FLI1: variants seen among roughly 807,000 people sequenced by gnomAD.
FLI1 encodes Fli-1 proto-oncogene, ETS transcription factor, also known as Friend leukemia integration 1 transcription factor.
Under a neutral mutation model 53.1 loss-of-function variants are expected in FLI1, and 13 were observed. The ratio of observed to expected loss-of-function variants is 0.24; its 90% confidence interval spans 0.16 to 0.39. The LOEUF (loss-of-function observed/expected upper bound fraction) is 0.39. Among genes scored for constraint, FLI1 ranks in the 10% least tolerant of loss-of-function variants. The pLI is 1.00. For missense variants in FLI1, 424 were observed against 600.5 expected (o/e 0.71, Z 3.07); for synonymous variants, 244 against 236.7 (o/e 1.03, Z -0.28).
intron 1 of FLI1, among the ~76,000 whole-genome samples, chr11:128,747,482 C>T (rs1053265400): frequency 6.6e-6 from 1 of 152,210 alleles, no homozygotes; most frequent in African/African-American, 2.4e-5. Context: ...TATCATCCCA[C>T]CTTTGCTCCA....
At chr11:128,687,195 C>A (rs1333330773) in intron 1 of FLI1, among the ~76,000 whole-genome samples, 1 of 152,230 alleles carries the variant, frequency 6.6e-6, no homozygotes, top group African/African-American at 2.4e-5. Flanking sequence ...AGTCCTCGAG[C>A]CCACCTTCTT....
intron 5 of FLI1, among the ~76,000 whole-genome samples, chr11:128,787,985 AT>A (rs1315334627): frequency 2.0e-5 from 3 of 150,676 alleles, no homozygotes; most frequent in Admixed American, 6.6e-5. Flanking sequence ...TTTTTTTTGT[AT>A]TTTTTAGTAG....
At chr11:128,695,581 T>TA (rs1938035282) in intron 1 of FLI1, among the ~76,000 whole-genome samples, 1 of 152,180 alleles carries the variant, frequency 6.6e-6, no homozygotes, top group Admixed American at 6.5e-5. Context: ...AAGTTTTTTT[T>TA]ATGAAAGTTT....
chr11:128,804,014 CT>C (rs1942705547), intron 5 of FLI1: 1 of 152,272 alleles, frequency 6.6e-6, no homozygotes, highest in South Asian at 2.1e-4. Context: ...ATCCCCCTCA[CT>C]TTCTGTGTTG....
intron 1 of FLI1, among the ~76,000 whole-genome samples, chr11:128,718,191 A>G (rs753317640): frequency 4.6e-5 from 7 of 152,214 alleles, no homozygotes; most frequent in Non-Finnish European, 7.3e-5. Context: ...TGCAAACCCT[A>G]TCATGTCCGT....
intron 1 of FLI1, among the ~76,000 whole-genome samples, chr11:128,696,676 T>TAG (rs1481287821): frequency 6.6e-6 from 1 of 152,242 alleles, no homozygotes; most frequent in Non-Finnish European, 1.5e-5. Context: ...GACGACACTC[T>TAG]AGAGAGAATC....
chr11:128,699,391 CCTTTT>C (rs1938225560), intron 1 of FLI1, among the ~76,000 whole-genome samples: 2 of 152,240 alleles, frequency 1.3e-5, no homozygotes, highest in African/African-American at 4.8e-5. Flanking sequence ...TTAAAACATT[CCTTTT>C]AAGTCTATAT....
chr11:128,785,632 T>A (rs1942055716), intron 5 of FLI1, among the ~76,000 whole-genome samples: 1 of 152,214 alleles, frequency 6.6e-6, no homozygotes, highest in Admixed American at 6.5e-5. Flanking sequence ...CAGCTCCATC[T>A]CCATCCCTAA....
chr11:128,714,647 T>C (rs1938927004), intron 1 of FLI1, among the ~76,000 whole-genome samples: 1 of 151,676 alleles, frequency 6.6e-6, no homozygotes, highest in African/African-American at 2.4e-5. Flanking sequence ...ATAATGATGA[T>C]GATGATGATG....
chr11:128,737,669 C>T (rs1407948157), intron 1 of FLI1, among the ~76,000 whole-genome samples: 1 of 152,162 alleles, frequency 6.6e-6, no homozygotes, highest in Non-Finnish European at 1.5e-5. Flanking sequence ...CACTTCCCAT[C>T]CTAGAAATGG....
chr11:128,809,998 T>A (rs1942897319), intron 8 of FLI1, among the ~76,000 whole-genome samples: 1 of 152,146 alleles, frequency 6.6e-6, no homozygotes, highest in East Asian at 1.9e-4. Context: ...GCGCAGCTTC[T>A]CCCAATGACT....
intron 5 of FLI1, among the ~76,000 whole-genome samples, chr11:128,787,543 C>A (rs1208465009): frequency 3.9e-5 from 6 of 152,148 alleles, no homozygotes; most frequent in Non-Finnish European, 8.8e-5. Context: ...AGCATTATAG[C>A]ATACTGATTA....
At chr11:128,805,086 A>G in intron 5 of FLI1, 1 of 334,892 alleles carries the variant, frequency 3.0e-6, no homozygotes, top group Non-Finnish European at 5.4e-6. Flanking sequence ...CCCAGGTTTC[A>G]CAACAAAGAG....
At chr11:128,776,466 C>T (rs955179433) in intron 4 of FLI1, among the ~76,000 whole-genome samples, 1 of 152,204 alleles carries the variant, frequency 6.6e-6, no homozygotes, top group Middle Eastern at 3.2e-3. Flanking sequence ...GCCTGGCCAA[C>T]GTGGTGAAAC....
chr11:128,750,097 G>A (rs1940578027), intron 1 of FLI1, among the ~76,000 whole-genome samples: 1 of 152,198 alleles, frequency 6.6e-6, no homozygotes, highest in African/African-American at 2.4e-5. Flanking sequence ...GTAATAAAAA[G>A]CCAAAACTAG....
rs748604139 is a variant in FLI1, at chr11:128,694,227, A to T, written c.-32A>T. 7 of 1,510,926 alleles carry T rather than the reference A, an allele frequency of 4.6e-6. No individual in the cohort carries two copies. The Middle Eastern group carries it at 7.1e-4, about 152-fold the overall frequency. 93.6% of individuals were successfully genotyped at this position (1,510,926 alleles called of 1,614,324 possible). ...GGCTGTAACCGGGTCAATGTGTGGA[A>T]TATTGGGGGGCTCGGCTGCAGACTT... On this transcript the variant is annotated 5_prime_UTR_variant, in exon 1 of 9. Transcript: ENST00000527786.
intron 1 of FLI1, among the ~76,000 whole-genome samples, chr11:128,700,012 G>T (rs1324305927): frequency 6.6e-6 from 1 of 152,220 alleles, no homozygotes; most frequent in African/African-American, 2.4e-5. Flanking sequence ...AGGAGATCTA[G>T]CGAGAAGATA....
At chr11:128,701,719 C>T (rs958920295) in intron 1 of FLI1, among the ~76,000 whole-genome samples, 3 of 152,194 alleles carry the variant, frequency 2.0e-5, no homozygotes, top group Admixed American at 1.3e-4. Context: ...CACTGAAATG[C>T]TTTCCCAAGA....
Position 128,809,263 on chromosome 11 carries a change from T to C in FLI1, c.829+59T>C, listed in dbSNP as rs368550423. ...CAGAATGTTTCGTAGCTTTGTGAAA[T>C]CACAGAGACTTCTGTCCTAAGTCCA... On this transcript the variant is annotated intron_variant, in intron 8 of 8. Transcript: ENST00000527786. 18 of 1,433,908 alleles carry C rather than the reference T, an allele frequency of 1.3e-5. No homozygotes were observed. The African/African-American group carries it at 1.7e-4, about 13-fold the overall frequency. The allele number at this position is 1,433,908 out of a possible 1,614,324, so 88.8% of individuals were successfully genotyped here.
Sources: allele counts gnomAD v4.1 joint callset (sites outside exome capture counted in the v4.1 genomes callset), GRCh38; gene constraint gnomAD v4.1.1; transcripts MANE v1.5; gene names NCBI Gene and HGNC (gene_info 2026-07-23, HGNC 2026-07-21).